Variants in RARB observed in about 807,000 individuals in gnomAD.
RARB encodes the protein HBV-activated protein.
RARB carries 17 observed loss-of-function variants against 51.9 expected under a neutral mutation model. The ratio of observed to expected loss-of-function variants is 0.33; its 90% CI spans 0.22 to 0.49. The LOEUF (loss-of-function observed/expected upper bound fraction) is 0.49, where lower values mean the gene tolerates loss of function less well. RARB is among the 20% of genes least tolerant of loss of function. RARB has a pLI of 0.99. For missense variants in RARB, 369 were observed against 550.8 expected (o/e 0.67, Z 3.30); for synonymous variants, 215 against 195.4 (o/e 1.10, Z -0.84).
At chr3:24,917,405 A>G (rs550409181) in intron 2 of RARB, among the ~76,000 whole-genome samples, 1 of 152,386 alleles carries the variant, frequency 6.6e-6, no homozygotes, top group Non-Finnish European at 1.5e-5. Flanking sequence ...TGCAAATAGC[A>G]TATTTGATGA....
intron 2 of RARB, among the ~76,000 whole-genome samples, chr3:25,018,361 A>G (rs1037142419): frequency 4.1e-4 from 63 of 152,148 alleles, no homozygotes; most frequent in Non-Finnish European, 5.0e-4. Context: ...TCTCTCACAA[A>G]CTGGAATTCC....
At chr3:24,975,814 CA>C (rs1160038479) in intron 2 of RARB, among the ~76,000 whole-genome samples, 3 of 151,968 alleles carry the variant, frequency 2.0e-5, no homozygotes, top group Non-Finnish European at 4.4e-5. Context: ...TACACGTGCA[CA>C]ACGTGCAGGT....
intron 5 of RARB, among the ~76,000 whole-genome samples, chr3:25,183,134 C>T (rs1169277917): frequency 6.6e-6 from 1 of 152,166 alleles, no homozygotes; most frequent in Non-Finnish European, 1.5e-5. Context: ...AAAGAAAAAA[C>T]TATGTTTTCG....
intron 5 of RARB, among the ~76,000 whole-genome samples, chr3:25,401,592 G>C (rs1303511669): frequency 6.6e-6 from 1 of 152,080 alleles, no homozygotes; most frequent in African/African-American, 2.4e-5. Context: ...GAATCAAATA[G>C]AAATTTCAGA....
chr3:25,078,576 G>A (rs1007334094), intron 3 of RARB, among the ~76,000 whole-genome samples: 1 of 125,156 alleles, frequency 8.0e-6, no homozygotes, highest in African/African-American at 3.0e-5. Flanking sequence ...CATTCTTGTT[G>A]CCCAGGCTGG....
intron 2 of RARB, among the ~76,000 whole-genome samples, chr3:24,908,954 C>T (rs749960775): frequency 6.6e-5 from 10 of 151,980 alleles, no homozygotes; most frequent in Non-Finnish European, 1.3e-4. Flanking sequence ...CTATTTTTTC[C>T]ATGATATGTC....
At chr3:25,166,422 C>G (rs749992144) in intron 4 of RARB, among the ~76,000 whole-genome samples, 3 of 151,818 alleles carry the variant, frequency 2.0e-5, no homozygotes, top group Non-Finnish European at 4.4e-5. Flanking sequence ...GTGGCATTAC[C>G]TGGAACCAAT....
At chr3:25,361,106 C>CAGGTACACCA (rs1396861257) in intron 5 of RARB, among the ~76,000 whole-genome samples, 1 of 152,192 alleles carries the variant, frequency 6.6e-6, no homozygotes, top group African/African-American at 2.4e-5. Context: ...CTGTCACTTC[C>CAGGTACACCA]AGGTACACCA....
chr3:25,365,800 AT>A (rs1706100818), intron 5 of RARB, among the ~76,000 whole-genome samples: 1 of 152,160 alleles, frequency 6.6e-6, no homozygotes, highest in Admixed American at 6.5e-5. Context: ...CTAACTTGTT[AT>A]GGGGGCAGCT....
intron 4 of RARB, among the ~76,000 whole-genome samples, chr3:25,160,554 C>T (rs544937530): frequency 6.6e-6 from 1 of 152,310 alleles, no homozygotes; most frequent in South Asian, 2.1e-4. Context: ...AAAAACCTGG[C>T]TACTGAATCC....
At chr3:24,931,363 T>C (rs548590873) in intron 2 of RARB, among the ~76,000 whole-genome samples, 43 of 152,240 alleles carry the variant, frequency 2.8e-4, no homozygotes, top group Admixed American at 1.7e-3. Flanking sequence ...TTTTTCCTTA[T>C]TTGGCCCTAT....
intron 3 of RARB, among the ~76,000 whole-genome samples, chr3:25,104,837 C>T (rs9872274): frequency 0.041 from 6,249 of 152,246 alleles, 330 homozygotes; most frequent in African/African-American, 0.12. Flanking sequence ...TTTAATAGTA[C>T]ATACTGTTTG....
chr3:25,242,627 G>A (rs925893111), intron 5 of RARB, among the ~76,000 whole-genome samples: 8 of 152,178 alleles, frequency 5.3e-5, no homozygotes, highest in Admixed American at 3.9e-4. Context: ...TAGATGTGTG[G>A]CGTTATTTCT....
At position 25,097,245 on chromosome 3, in the gene RARB, A is replaced by G. The variant is rs1699312777; in HGVS notation, c.-327-34916A>G. On this transcript the variant is annotated intron_variant, in intron 3 of 11. Coordinates refer to the RARB transcript ENST00000383772. Reference sequence around the variant, plus strand: ...GCACTGGACCGCTTCTTGGAGGTGAACCAAACACTATTTGATGACTGTACA... The same window carrying G: ...GCACTGGACCGCTTCTTGGAGGTGAGCCAAACACTATTTGATGACTGTACA... Among the ~76,000 whole-genome samples the G allele has an allele frequency of 2.0e-5, 3 of 152,166 alleles. No homozygotes were observed. The South Asian group carries it at 6.2e-4, about 31-fold the overall frequency.
At position 25,473,058 on chromosome 3, in the gene RARB, C is replaced by T. The variant is rs151206187; in HGVS notation, c.306+11717C>T. 3.5e-4 allele frequency among the ~76,000 whole-genome samples: 53 copies of T among 152,282 alleles called. 1 individual carries two copies. Among genetic ancestry groups the T allele is most frequent in the African/African-American group, 1.1e-3 (45 of 41,552 alleles). ...GTGTCCTTAAGCACAACAGTCATACCAGCACAACGCAATGCTTATGTCCTG... is the reference window on the plus strand; with the variant it reads ...GTGTCCTTAAGCACAACAGTCATACTAGCACAACGCAATGCTTATGTCCTG... On this transcript the variant is annotated intron_variant, in intron 2 of 7. Coordinates refer to ENST00000330688, the MANE Select transcript of RARB (RefSeq NM_000965.5).
Position 25,554,890 on chromosome 3 carries a change from G to A in RARB, c.449-14868G>A, listed in dbSNP as rs188719867. Among the ~76,000 whole-genome samples, 7 of 152,196 alleles carry A rather than the reference G, an allele frequency of 4.6e-5. No individual in the cohort carries two copies. The East Asian group carries it at 7.7e-4, about 17-fold the overall frequency. ...TGGGTGTGTTAACATGCCAGCCCAC[G>A]TCTCTCTTCCACTTCTTATAAAGCC... On this transcript the variant is annotated intron_variant, in intron 3 of 7. Coordinates refer to ENST00000330688, the MANE Select transcript of RARB (RefSeq NM_000965.5).
chr3:25,422,314 T>A (rs1054810597), intron 5 of RARB, among the ~76,000 whole-genome samples: 2 of 152,242 alleles, frequency 1.3e-5, no homozygotes, highest in Admixed American at 6.5e-5. Context: ...TTCTAAGCAC[T>A]CTGTCAACTA....
intron 2 of RARB, among the ~76,000 whole-genome samples, chr3:24,979,600 G>GTT (rs570180063): frequency 6.1e-5 from 9 of 147,948 alleles, no homozygotes; most frequent in East Asian, 4.0e-4. Context: ...TTTGTTTTTT[G>GTT]TTTTTTTTTG....
intron 3 of RARB, among the ~76,000 whole-genome samples, chr3:25,106,612 T>G (rs1699509852): frequency 6.6e-6 from 1 of 151,094 alleles, no homozygotes; most frequent in Admixed American, 6.6e-5. Flanking sequence ...CTCATTTAAG[T>G]AAATTTAACA....
Sources: gnomAD v4.1 joint callset for allele counts (sites outside exome capture counted in the v4.1 genomes callset) on GRCh38, gnomAD v4.1.1 for gene constraint, MANE v1.5 for transcripts, NCBI Gene and HGNC (gene_info 2026-07-23, HGNC 2026-07-21) for gene names.